The following PABPN1L variants were observed in gnomAD, a reference collection of about 807,000 sequenced individuals.
The protein encoded by PABPN1L is PABPN1 like, cytoplasmic, also known as embryonic polyadenylate-binding protein 2.
Under a neutral mutation model 34.0 loss-of-function variants are expected in PABPN1L, and 45 were observed. The ratio of observed to expected loss-of-function variants is 1.32; its 90% CI spans 1.04 to 1.70. PABPN1L has a LOEUF of 1.70. PABPN1L is among the 40% of genes most tolerant of loss of function. PABPN1L has a pLI of 0.00. For missense variants in PABPN1L, 459 were observed against 367.8 expected (o/e 1.25, Z -2.03); for synonymous variants, 182 against 152.1 (o/e 1.20, Z -1.45).
chr16:88,865,976 C>G (rs988422599), intron 1 of PABPN1L, 35 bp from the exon 2 acceptor site: 1 of 1,579,444 alleles, frequency 6.3e-7, no homozygotes, highest in Non-Finnish European at 8.6e-7. Context: ...GGCAGGCAGC[C>G]TGCAGGCTCT....
upstream of PABPN1L, among the ~76,000 whole-genome samples, chr16:88,870,097 CT>C (rs1220991147): frequency 6.4e-3 from 923 of 144,838 alleles, 8 homozygotes; most frequent in African/African-American, 0.019. Flanking sequence ...GTTTTCATTT[CT>C]TTTTTTTTTT....
intron 5 of PABPN1L, 89 bp from the exon 6 acceptor site, chr16:88,864,468 GGGTCCTGCCCGGCTCA>G: frequency 6.8e-7 from 1 of 1,467,260 alleles, no homozygotes; most frequent in South Asian, 1.4e-5. Flanking sequence ...CCGGAGCATG[GGGTCCTGCCCGGCTCA>G]GGATACCATT....
intron 6 of PABPN1L, 77 bp from the exon 7 acceptor site, chr16:88,863,872 A>G: frequency 7.1e-7 from 1 of 1,405,238 alleles, no homozygotes; most frequent in South Asian, 1.3e-5. Flanking sequence ...GGGGGACAAC[A>G]GGATAAGGAT....
In PABPN1L at chr16:88,866,202, G is replaced by A. The variant is rs190544160; in HGVS notation, c.255+150C>T. 8.5e-4 allele frequency: 1,129 copies of A among 1,331,320 alleles called. 8 individuals carry two copies. The African/African-American group carries it at 0.015, about 18-fold the overall frequency. The allele number at this position is 1,331,320 out of a possible 1,614,324, so 82.5% of individuals were successfully genotyped here. A position where few individuals can be genotyped will look rare whatever the true frequency, so the allele number is the denominator to read the frequency against. ...CAGTCTGTGTGGCTGGGGGCGGGGG[G>A]TCTCCTTGCCACCTTCGTCCAGGCA... On this transcript the variant is annotated intron_variant, in intron 1 of 6. Transcript: ENST00000419291.
Position 88,865,021 on chromosome 16 carries a change from C to A in PABPN1L, c.566+1G>T, listed in dbSNP as rs757498761. The A allele has an allele frequency of 3.1e-6, 5 of 1,599,256 alleles. No individual in the cohort carries two copies. The East Asian group carries it at 1.1e-4, about 36-fold the overall frequency. ...GTGCCCCCACCAGGCCCCACACTGA[C>A]CCCTTGGGGTGTCCAGAGAACTTGT... On this transcript the variant is annotated splice_donor_variant, in intron 4 of 6. Transcript: ENST00000419291. LOFTEE classifies it high-confidence loss of function.
intron 6 of PABPN1L, 73 bp from the exon 7 acceptor site, chr16:88,863,868 C>A: frequency 7.0e-7 from 1 of 1,435,546 alleles, no homozygotes; most frequent in Non-Finnish European, 9.4e-7. Flanking sequence ...CCCCGGGGGA[C>A]AACAGGATAA....
chr16:88,867,654 G>A (rs1167613752), upstream of PABPN1L, among the ~76,000 whole-genome samples: 2 of 152,128 alleles, frequency 1.3e-5, no homozygotes, highest in South Asian at 2.1e-4. Flanking sequence ...GAGTGACGGC[G>A]TGAGTTACTG....
In PABPN1L at chr16:88,864,836, G is replaced by A. The variant is rs1421149188; in HGVS notation, c.654+17C>T. 2 of 1,595,156 alleles carry A rather than the reference G, an allele frequency of 1.3e-6. No homozygotes were observed. Among genetic ancestry groups the A allele is most frequent in the Non-Finnish European group, 1.7e-6 (2 of 1,170,558 alleles). On this transcript the variant is annotated intron_variant, in intron 5 of 6. Transcript: ENST00000419291. Reference sequence around the variant, plus strand: ...CCTCTGCGCTCATGTTCCTGGACCTGGGGAGCACCGGCGCACCTTGATGAC... The same window carrying A: ...CCTCTGCGCTCATGTTCCTGGACCTAGGGAGCACCGGCGCACCTTGATGAC...
chr16:88,864,888 G>T (rs766384122), exon 5 of PABPN1L: 1 of 1,609,104 alleles, frequency 6.2e-7, no homozygotes, highest in Admixed American at 1.7e-5. Context: ...CTCTGGTCCA[G>T]CTCCACGGCG....
rs745966095 is a variant in PABPN1L at position 88,864,973 on chromosome 16, G to T, written c.567-33C>A. On this transcript the variant is annotated intron_variant, in intron 4 of 6. Coordinates refer to ENST00000419291, the Ensembl canonical transcript of PABPN1L. ...GAGGGGCAGGGAGGGGAGGGGTGAGGCTGGGCCCTGTCCGCATGGCCAGTG... is the reference window on the plus strand; with the variant it reads ...GAGGGGCAGGGAGGGGAGGGGTGAGTCTGGGCCCTGTCCGCATGGCCAGTG... The T allele has an allele frequency of 1.3e-5, 21 of 1,602,660 alleles. 1 individual carries two copies. The highest frequency in any genetic ancestry group is 1.7e-5 in the Admixed American group (1 of 58,590).
chr16:88,866,953 A>G (rs1295651024), upstream of PABPN1L, among the ~76,000 whole-genome samples: 1 of 152,260 alleles, frequency 6.6e-6, no homozygotes, highest in Non-Finnish European at 1.5e-5. Flanking sequence ...ACACGGCACG[A>G]ACGCCACACT....
At chr16:88,864,711 C>A in intron 5 of PABPN1L, 142 bp downstream of exon 5, 1 of 1,008,490 alleles carries the variant, frequency 9.9e-7, no homozygotes, top group South Asian at 1.6e-5. Flanking sequence ...AGGGTCCCGC[C>A]ACATCCTGTC....
intron 2 of PABPN1L, 71 bp downstream of exon 2, chr16:88,865,735 C>A: frequency 6.4e-7 from 1 of 1,553,884 alleles, no homozygotes; most frequent in South Asian, 1.2e-5. Flanking sequence ...TTGGAGCCTG[C>A]CAGGCCCAAC....
At chr16:88,867,875 C>T (rs536365390), upstream of PABPN1L, among the ~76,000 whole-genome samples, 35 of 152,324 alleles carry the variant, frequency 2.3e-4, no homozygotes, top group South Asian at 1.0e-3. Flanking sequence ...TGGCTCTTAC[C>T]CCTGCCATTG....
At chr16:88,868,955 A>C (rs1968651765), upstream of PABPN1L, among the ~76,000 whole-genome samples, 1 of 152,198 alleles carries the variant, frequency 6.6e-6, no homozygotes, top group Non-Finnish European at 1.5e-5. Flanking sequence ...AAGCTGCTAG[A>C]TCACACTATC....
intron 1 of PABPN1L, among the ~76,000 whole-genome samples, 180 bp downstream of exon 1, chr16:88,866,172 C>T (rs1410594983): frequency 6.6e-6 from 1 of 152,226 alleles, no homozygotes; most frequent in African/African-American, 2.4e-5. Context: ...GCCACCTTGA[C>T]CCTGCAGTCT....
Position 88,865,787 on chromosome 16 carries a change from C to A in PABPN1L, c.391+19G>T. ...GGACCCTTGCTCAGTGGGGGGCGGC[C>A]TGTGCCCTTGGTTCCTACCCACGGT... On this transcript the variant is annotated intron_variant, in intron 2 of 6. Transcript: ENST00000419291. 1 of 1,594,734 alleles carries A rather than the reference C, an allele frequency of 6.3e-7. No homozygotes were observed. The highest frequency in any genetic ancestry group is 8.5e-7 in the Non-Finnish European group (1 of 1,170,458).
upstream of PABPN1L, among the ~76,000 whole-genome samples, chr16:88,869,066 C>T (rs1416597077): frequency 1.3e-5 from 2 of 152,212 alleles, no homozygotes; most frequent in Non-Finnish European, 2.9e-5. Context: ...TCTTCATCTT[C>T]GTGGCTGTCC....
At chr16:88,866,402 G>A in exon 1 of PABPN1L, 2 of 1,551,138 alleles carry the variant, frequency 1.3e-6, no homozygotes, top group Non-Finnish European at 8.7e-7. Context: ...AGCAGAGACA[G>A]CAGAAAGCCT....
Sources: allele counts gnomAD v4.1 joint callset (sites outside exome capture counted in the v4.1 genomes callset), GRCh38; gene constraint gnomAD v4.1.1; transcripts MANE v1.5; gene names NCBI Gene and HGNC (gene_info 2026-07-23, HGNC 2026-07-21).